Variants in CHN2 observed in about 807,000 individuals in gnomAD.
CHN2 encodes chimerin 2, also known as beta-chimaerin.
A neutral mutation model predicts 56.3 loss-of-function variants in CHN2; 35 were observed. That is an observed-to-expected ratio of 0.62 (90% CI 0.47 to 0.82). The LOEUF (loss-of-function observed/expected upper bound fraction) is 0.82, where lower values mean the gene tolerates loss of function less well. CHN2 is among the 40% of genes least tolerant of loss of function. The pLI is 0.00. For missense variants in CHN2, 491 were observed against 580.5 expected (o/e 0.85, Z 1.58); for synonymous variants, 210 against 212.8 (o/e 0.99, Z 0.12).
rs70980513 is a variant in CHN2, at chr7:29,195,629, A to AGTGTGT, written c.49+655_49+660dup. On this transcript the variant is annotated intron_variant, in intron 1 of 12. Transcript: ENST00000222792. ...GAGAGAGAGAGAGAGAGAGAGAGAG[A>AGTGTGT]GTGTGTGTGTGTGTGTGTGTGAGAG... Among the ~76,000 whole-genome samples the AGTGTGT allele has an allele frequency of 2.0e-3, 232 of 117,492 alleles. 3 individuals carry two copies. The highest frequency in any genetic ancestry group is 4.9e-3 in the East Asian group (13 of 2,628). 77.1% of individuals were successfully genotyped at this position (117,492 alleles called of 152,430 possible).
At chr7:29,493,768 GT>G (rs1788918780) in intron 7 of CHN2, among the ~76,000 whole-genome samples, 1 of 152,112 alleles carries the variant, frequency 6.6e-6, no homozygotes, top group African/African-American at 2.4e-5. Context: ...GCATCCAGGT[GT>G]TAGGCTCTGT....
rs76496062 is a variant in CHN2 at position 29,265,073 on chromosome 7, C to T, written c.49+70083C>T. ...AACTTTATGTTGAGTAAATGGGGGA[C>T]GTGCTTTTAGAGTCTAGAGACTTTG... On this transcript the variant is annotated intron_variant, in intron 1 of 12. Coordinates refer to ENST00000222792, the MANE Select transcript of CHN2 (RefSeq NM_004067.4). Among the ~76,000 whole-genome samples the T allele has an allele frequency of 7.9e-5, 12 of 152,182 alleles. No individual in the cohort carries two copies. The East Asian group carries it at 1.7e-3, about 22-fold the overall frequency.
At chr7:29,146,626 A>G (rs1792723952) in exon 1 of CHN2, 13 of 1,550,538 alleles carry the variant, frequency 8.4e-6, no homozygotes, top group Middle Eastern at 1.7e-4. Flanking sequence ...GTCGTGTCCC[A>G]ACCTCCTGGT....
At chr7:29,249,471 C>A (rs1009443229) in intron 1 of CHN2, among the ~76,000 whole-genome samples, 5 of 152,224 alleles carry the variant, frequency 3.3e-5, no homozygotes, top group African/African-American at 1.2e-4. Context: ...CCACCTAACC[C>A]ACTCAGACTC....
intron 1 of CHN2, among the ~76,000 whole-genome samples, chr7:29,313,410 A>C (rs2128888440): frequency 6.6e-6 from 1 of 152,282 alleles, no homozygotes; most frequent in African/African-American, 2.4e-5. Flanking sequence ...GAACATCTTC[A>C]CAGAGCAGGT....
intron 1 of CHN2, among the ~76,000 whole-genome samples, chr7:29,327,776 A>ACAACTT (rs1190350574): frequency 6.6e-6 from 1 of 152,242 alleles, no homozygotes; most frequent in Non-Finnish European, 1.5e-5. Flanking sequence ...AATGCTGCCT[A>ACAACTT]CAACTTGACA....
At chr7:29,510,438 CAA>C (rs1791172070) in intron 12 of CHN2, among the ~76,000 whole-genome samples, 1 of 152,098 alleles carries the variant, frequency 6.6e-6, no homozygotes, top group Admixed American at 6.5e-5. Context: ...GACGCTGTCT[CAA>C]GAACAAAAAA....
At chr7:29,457,669 C>T (rs541870203) in intron 6 of CHN2, among the ~76,000 whole-genome samples, 1 of 152,280 alleles carries the variant, frequency 6.6e-6, no homozygotes, top group African/African-American at 2.4e-5. Context: ...CTTTATTTAG[C>T]ATTTAAATGA....
intron 6 of CHN2, among the ~76,000 whole-genome samples, chr7:29,425,466 T>C (rs1360971077): frequency 5.3e-5 from 8 of 152,206 alleles, no homozygotes; most frequent in African/African-American, 1.9e-4. Context: ...CCCTGCAGCA[T>C]GACCTAGCCT....
intron 1 of CHN2, among the ~76,000 whole-genome samples, chr7:29,241,133 G>A (rs1358579923): frequency 1.3e-5 from 2 of 152,058 alleles, no homozygotes; most frequent in Non-Finnish European, 2.9e-5. Context: ...GGATCCTCCC[G>A]CCTCGGCCTT....
chr7:29,445,118 G>A (rs775765873), intron 6 of CHN2: 3 of 455,790 alleles, frequency 6.6e-6, no homozygotes, highest in Non-Finnish European at 1.3e-5. Context: ...GCTTTCTTCT[G>A]GAACAGAAAG....
intron 1 of CHN2, among the ~76,000 whole-genome samples, chr7:29,235,002 T>C (rs1787075029): frequency 1.3e-5 from 2 of 152,180 alleles, no homozygotes; most frequent in African/African-American, 4.8e-5. Context: ...TAAGTATTGA[T>C]CTAAGGCCAA....
intron 2 of CHN2, among the ~76,000 whole-genome samples, chr7:29,182,954 A>G (rs1160628849): frequency 2.0e-5 from 3 of 152,216 alleles, no homozygotes. Context: ...CATTTTTGAA[A>G]TTCTATTACA....
chr7:29,156,515 G>A (rs1431406153), intron 2 of CHN2, among the ~76,000 whole-genome samples: 1 of 152,226 alleles, frequency 6.6e-6, no homozygotes, highest in Non-Finnish European at 1.5e-5. Context: ...CCAGCCATAT[G>A]TCATCTCCTT....
intron 1 of CHN2, among the ~76,000 whole-genome samples, chr7:29,304,938 G>C (rs936139235): frequency 2.0e-5 from 3 of 152,202 alleles, no homozygotes; most frequent in Non-Finnish European, 4.4e-5. Flanking sequence ...GGATGACTGA[G>C]TATCTAGAAA....
chr7:29,206,058 A>C (rs1784498862), intron 1 of CHN2, among the ~76,000 whole-genome samples: 1 of 152,042 alleles, frequency 6.6e-6, no homozygotes, highest in Non-Finnish European at 1.5e-5. Flanking sequence ...AAATAATTTT[A>C]TCATGTATCA....
chr7:29,403,753 A>G (rs1802416795), intron 6 of CHN2, among the ~76,000 whole-genome samples: 3 of 152,156 alleles, frequency 2.0e-5, no homozygotes, highest in Admixed American at 2.0e-4. Flanking sequence ...TAAAAACATT[A>G]TGATGTATGT....
intron 6 of CHN2, among the ~76,000 whole-genome samples, chr7:29,417,962 G>A (rs1803944115): frequency 6.6e-6 from 1 of 152,168 alleles, no homozygotes; most frequent in African/African-American, 2.4e-5. Context: ...AAGCACATGT[G>A]AGGCTGGAGA....
intron 6 of CHN2, among the ~76,000 whole-genome samples, chr7:29,444,364 G>T (rs1444910453): frequency 6.6e-6 from 1 of 152,180 alleles, no homozygotes; most frequent in Non-Finnish European, 1.5e-5. Context: ...ACGTTGGCCA[G>T]GGCTTTCAGA....
Sources: gnomAD v4.1 joint callset for allele counts (sites outside exome capture counted in the v4.1 genomes callset) on GRCh38, gnomAD v4.1.1 for gene constraint, MANE v1.5 for transcripts, NCBI Gene and HGNC (gene_info 2026-07-23, HGNC 2026-07-21) for gene names.